Variants in ORMDL1 observed in about 807,000 individuals in gnomAD.
The protein encoded by ORMDL1 is ORMDL sphingolipid biosynthesis regulator 1, also known as ORM1-like protein 1.
A neutral mutation model predicts 13.0 loss-of-function variants in ORMDL1; 10 were observed. The observed-to-expected ratio is 0.77, with a 90% CI of 0.47 to 1.30. ORMDL1 has a LOEUF of 1.30. Ranked by LOEUF, ORMDL1 falls within the 50% of genes most tolerant of loss-of-function variation. The pLI is 0.00. For synonymous variants in ORMDL1, 61 were observed against 63.9 expected (o/e 0.95, Z 0.22); for missense variants, 171 against 186.7 (o/e 0.92, Z 0.49).
At chr2:189,780,846 AT>A (rs2047808503) in intron 3 of ORMDL1, among the ~76,000 whole-genome samples, 1 of 152,230 alleles carries the variant, frequency 6.6e-6, no homozygotes, top group Admixed American at 6.5e-5. Context: ...CATATTTATC[AT>A]GTCTACCAGC....
At chr2:189,764,135 C>G in the ORMDL1 span, 2 of 152,038 alleles carry the variant, frequency 1.3e-5, no homozygotes, top group African/African-American at 4.8e-5. Context: ...GAAAATAACT[C>G]ACATTTTCTC....
chr2:189,772,041 G>A, intron 4 of ORMDL1, 139 bp from the exon 5 acceptor site: 1 of 677,124 alleles, frequency 1.5e-6, no homozygotes, highest in Non-Finnish European at 2.2e-6. Context: ...ACTAAAACAA[G>A]AGGAATCGGT....
At chr2:189,776,395 A>T (rs1559188886) in intron 3 of ORMDL1, among the ~76,000 whole-genome samples, 1 of 151,950 alleles carries the variant, frequency 6.6e-6, no homozygotes, top group East Asian at 1.9e-4. Flanking sequence ...TAAACATATA[A>T]TTTTTTTTAT....
At chr2:189,781,705 A>G (rs1318915708) in intron 3 of ORMDL1, among the ~76,000 whole-genome samples, 3 of 152,142 alleles carry the variant, frequency 2.0e-5, no homozygotes, top group African/African-American at 7.2e-5. Flanking sequence ...AAAAGGACCA[A>G]TGTTGAAATA....
intron 3 of ORMDL1, 61 bp from the exon 4 acceptor site, chr2:189,775,777 G>C (rs2047682049): frequency 6.6e-7 from 1 of 1,517,202 alleles, no homozygotes; most frequent in African/African-American, 1.4e-5. Context: ...GTCTTTGTCA[G>C]TAGCATTAAC....
chr2:189,783,357 AC>A (rs2047938372), intron 1 of ORMDL1: 1 of 152,184 alleles, frequency 6.6e-6, no homozygotes, highest in Non-Finnish European at 1.5e-5. Flanking sequence ...GATGGTGTTT[AC>A]TTGAGACTAA....
chr2:189,778,165 C>G, intron 3 of ORMDL1: 1 of 438,962 alleles, frequency 2.3e-6, no homozygotes. Flanking sequence ...GAGGCCGAGG[C>G]GGGCAGATCA....
At chr2:189,783,605 G>A (rs1218603547) in intron 1 of ORMDL1, 1 of 152,176 alleles carries the variant, frequency 6.6e-6, no homozygotes, top group Non-Finnish European at 1.5e-5. Flanking sequence ...GGGACGAAAA[G>A]TTAGTTACAC....
chr2:189,766,852 A>C (rs577419601), downstream of ORMDL1, among the ~76,000 whole-genome samples: 221 of 152,352 alleles, frequency 1.5e-3, 1 homozygote, highest in African/African-American at 5.1e-3. Context: ...GGGGTAACAC[A>C]GTATTTGTCA....
At chr2:189,776,648 T>A (rs961977218) in intron 3 of ORMDL1, among the ~76,000 whole-genome samples, 1 of 152,202 alleles carries the variant, frequency 6.6e-6, no homozygotes, top group African/African-American at 2.4e-5. Context: ...TTTTATATGA[T>A]ACCAACTTAA....
the ORMDL1 span, chr2:189,764,827 A>G: frequency 1.3e-5 from 2 of 152,002 alleles, no homozygotes; most frequent in African/African-American, 4.8e-5. Context: ...ATATTAAAAC[A>G]TATAAGAATC....
At chr2:189,766,863 T>C (rs1179027071), downstream of ORMDL1, among the ~76,000 whole-genome samples, 1 of 152,238 alleles carries the variant, frequency 6.6e-6, no homozygotes, top group Non-Finnish European at 1.5e-5. Context: ...GTATTTGTCA[T>C]TTTGTGACTG....
intron 2 of ORMDL1, 86 bp from the exon 3 acceptor site, chr2:189,782,688 C>T (rs1427233706): frequency 8.7e-6 from 11 of 1,271,638 alleles, no homozygotes; most frequent in African/African-American, 1.5e-5. Flanking sequence ...ACCTGTGTTG[C>T]GAGGATTATT....
At chr2:189,768,152 G>A (rs2047513415), downstream of ORMDL1, among the ~76,000 whole-genome samples, 1 of 152,154 alleles carries the variant, frequency 6.6e-6, no homozygotes, top group African/African-American at 2.4e-5. Context: ...ACACAACAAA[G>A]GAGAGTTTAT....
chr2:189,777,210 C>T (rs2047718585), intron 3 of ORMDL1, among the ~76,000 whole-genome samples: 1 of 152,144 alleles, frequency 6.6e-6, no homozygotes, highest in African/African-American at 2.4e-5. Context: ...CCTGAATACA[C>T]TCGGAATAAG....
downstream of ORMDL1, among the ~76,000 whole-genome samples, chr2:189,766,610 G>C (rs552055443): frequency 6.6e-6 from 1 of 152,286 alleles, no homozygotes; most frequent in East Asian, 1.9e-4. Context: ...TGTAATCCCA[G>C]CTACGTGGGA....
chr2:189,773,046 A>G (rs544101956), intron 4 of ORMDL1, among the ~76,000 whole-genome samples: 26 of 152,354 alleles, frequency 1.7e-4, no homozygotes, highest in Non-Finnish European at 3.1e-4. Context: ...ACTGAACAAA[A>G]TAGGACATCA....
intron 4 of ORMDL1, chr2:189,774,863 T>C (rs1397204132): frequency 6.6e-6 from 1 of 152,116 alleles, no homozygotes; most frequent in Admixed American, 6.6e-5. Context: ...AGGTAGGAGT[T>C]GGGTGGGGAT....
At position 189,770,732 on chromosome 2, in the gene ORMDL1, A is replaced by C. The variant is rs1349793902; in HGVS notation, c.*1035T>G. The C allele has an allele frequency of 6.6e-6, 1 of 152,154 alleles. No homozygotes were observed. The highest frequency in any genetic ancestry group is 1.5e-5 in the Non-Finnish European group (1 of 68,034). The allele number at this position is 152,154 out of a possible 1,614,324, so 9.4% of individuals were successfully genotyped here. On this transcript the variant is annotated 3_prime_UTR_variant, in exon 5 of 5. Transcript: ENST00000392349. ...TTACCATTTTGGGCTATATATACTA[A>C]AACCCACGTATTCAAAGGCAAAATA... is the stretch of plus-strand genomic sequence containing the variant.
Sources: gnomAD v4.1 joint callset for allele counts (sites outside exome capture counted in the v4.1 genomes callset) on GRCh38, gnomAD v4.1.1 for gene constraint, MANE v1.5 for transcripts, NCBI Gene and HGNC (gene_info 2026-07-23, HGNC 2026-07-21) for gene names.